EPM2A: variants seen among roughly 807,000 people sequenced by gnomAD.
EPM2A encodes the protein laforin.
In EPM2A, 21 loss-of-function variants were observed where a neutral mutation model predicts 26.5. The observed-to-expected ratio is 0.79, with a 90% CI of 0.56 to 1.14. The LOEUF (loss-of-function observed/expected upper bound fraction) is 1.14, where lower values mean the gene tolerates loss of function less well. Ranked by LOEUF, EPM2A falls within the 50% of genes most tolerant of loss-of-function variation. The probability of loss-of-function intolerance (pLI) is 0.00; values close to 1 mark genes in which losing one functional copy is unlikely to be tolerated. For synonymous variants in EPM2A, 217 were observed against 177.6 expected (o/e 1.22, Z -1.76); for missense variants, 458 against 440.8 (o/e 1.04, Z -0.35).
intron 2 of EPM2A, among the ~76,000 whole-genome samples, chr6:145,678,011 C>T (rs1305969798): frequency 6.6e-6 from 1 of 152,156 alleles, no homozygotes; most frequent in African/African-American, 2.4e-5. Flanking sequence ...AGGCATCATG[C>T]TACCTGACTT....
intron 4 of EPM2A, among the ~76,000 whole-genome samples, chr6:145,400,614 A>C: frequency 6.6e-6 from 1 of 152,172 alleles, no homozygotes; most frequent in East Asian, 1.9e-4. Context: ...CCTCTGCTTC[A>C]ACCTTTGACA....
intron 4 of EPM2A, among the ~76,000 whole-genome samples, chr6:145,483,973 C>A (rs1031371049): frequency 6.6e-6 from 1 of 152,110 alleles, no homozygotes. Flanking sequence ...ACAAATATAT[C>A]TTTCTAATGA....
intron 2 of EPM2A, among the ~76,000 whole-genome samples, chr6:145,542,290 T>G (rs1780523530): frequency 6.6e-6 from 1 of 152,200 alleles, no homozygotes; most frequent in South Asian, 2.1e-4. Context: ...CAGATTCATC[T>G]CTTCTTCCTC....
chr6:145,505,634 T>A (rs1007629350), intron 2 of EPM2A, among the ~76,000 whole-genome samples: 1 of 152,172 alleles, frequency 6.6e-6, no homozygotes, highest in African/African-American at 2.4e-5. Context: ...ACCCTACACT[T>A]ATTTTTTTAA....
chr6:145,717,391 G>C (rs1226112390), intron 1 of EPM2A, among the ~76,000 whole-genome samples: 5 of 152,120 alleles, frequency 3.3e-5, no homozygotes, highest in African/African-American at 9.7e-5. Context: ...AATAGATGCA[G>C]AAAAGGCCTT....
chr6:145,499,843 A>G (rs1020386383), downstream of EPM2A, among the ~76,000 whole-genome samples: 1 of 152,212 alleles, frequency 6.6e-6, no homozygotes, highest in Admixed American at 6.5e-5. Flanking sequence ...AAATGAATTA[A>G]TTTAACCAAG....
intron 4 of EPM2A, among the ~76,000 whole-genome samples, chr6:145,418,903 A>T (rs1384170147): frequency 1.3e-5 from 2 of 152,182 alleles, no homozygotes; most frequent in Non-Finnish European, 2.9e-5. Flanking sequence ...ATGTCTTTTT[A>T]AATTACGTTT....
chr6:145,397,465 A>G (rs1198405111), intron 4 of EPM2A, among the ~76,000 whole-genome samples: 1 of 152,126 alleles, frequency 6.6e-6, no homozygotes, highest in Non-Finnish European at 1.5e-5. Flanking sequence ...AACAGAAAAG[A>G]AAGGAAATTG....
chr6:145,406,606 G>A (rs1778572949), intron 4 of EPM2A, among the ~76,000 whole-genome samples: 1 of 152,136 alleles, frequency 6.6e-6, no homozygotes, highest in Non-Finnish European at 1.5e-5. Context: ...AACTGCAATA[G>A]CCCAGGCAGG....
intron 4 of EPM2A, among the ~76,000 whole-genome samples, chr6:145,488,517 G>GAC (rs1454448208): frequency 7.4e-5 from 10 of 134,672 alleles, no homozygotes; most frequent in African/African-American, 3.3e-4. Flanking sequence ...GTGTGTGTGT[G>GAC]TGTGTGAGAG....
chr6:145,636,482 C>G (rs1776691481), intron 2 of EPM2A: 1 of 150,708 alleles, frequency 6.6e-6, no homozygotes, highest in Non-Finnish European at 1.5e-5. Flanking sequence ...GAGACTCCAT[C>G]TCTTAAAAAA....
chr6:145,679,022 T>C (rs1780290958), intron 2 of EPM2A, among the ~76,000 whole-genome samples: 1 of 152,130 alleles, frequency 6.6e-6, no homozygotes, highest in Non-Finnish European at 1.5e-5. Context: ...AATGATAGAC[T>C]GGATTAAGAA....
At chr6:145,384,192 A>G (rs1668741872) in intron 4 of EPM2A, 1 of 152,178 alleles carries the variant, frequency 6.6e-6, no homozygotes, top group South Asian at 2.1e-4. Flanking sequence ...ACTCCTAGCT[A>G]TCAAGTTAAT....
At chr6:145,586,954 C>T (rs866086067) in intron 2 of EPM2A, among the ~76,000 whole-genome samples, 2 of 152,138 alleles carry the variant, frequency 1.3e-5, no homozygotes, top group African/African-American at 2.4e-5. Context: ...GGCAATGTTA[C>T]CCAAATCTAC....
At chr6:145,708,953 T>C (rs921940912) in intron 1 of EPM2A, among the ~76,000 whole-genome samples, 2 of 152,110 alleles carry the variant, frequency 1.3e-5, no homozygotes, top group African/African-American at 4.8e-5. Flanking sequence ...TCAAAGGAGA[T>C]CATTTTGGAA....
intron 4 of EPM2A, among the ~76,000 whole-genome samples, chr6:145,444,500 T>C (rs1292906209): frequency 2.6e-5 from 4 of 152,206 alleles, no homozygotes; most frequent in African/African-American, 4.8e-5. Flanking sequence ...ATTTTGTTGA[T>C]GTTTGCATCA....
intron 1 of EPM2A, among the ~76,000 whole-genome samples, chr6:145,688,475 C>T (rs1339120891): frequency 1.3e-5 from 2 of 152,082 alleles, no homozygotes; most frequent in Non-Finnish European, 1.5e-5. Context: ...CTGAAAGAGG[C>T]TGTAAGGAAA....
At chr6:145,467,157 T>C (rs981811170) in intron 4 of EPM2A, among the ~76,000 whole-genome samples, 13 of 151,862 alleles carry the variant, frequency 8.6e-5, no homozygotes, top group African/African-American at 1.2e-4. Flanking sequence ...AATAAATAAA[T>C]AAATAAAAAT....
chr6:145,716,544 C>T (rs753523630), intron 1 of EPM2A, among the ~76,000 whole-genome samples: 7 of 152,178 alleles, frequency 4.6e-5, no homozygotes, highest in Non-Finnish European at 1.0e-4. Flanking sequence ...TCCCTGCCCA[C>T]GTCCTCCAGG....
Sources: allele counts gnomAD v4.1 joint callset (sites outside exome capture counted in the v4.1 genomes callset), GRCh38; gene constraint gnomAD v4.1.1; transcripts MANE v1.5; gene names NCBI Gene and HGNC (gene_info 2026-07-23, HGNC 2026-07-21).